THBS2: variants seen among roughly 807,000 people sequenced by gnomAD.
THBS2 encodes the protein thrombospondin-2.
In THBS2, 47 loss-of-function variants were observed where a neutral mutation model predicts 135.2. That is an observed-to-expected ratio of 0.35 (90% confidence interval 0.28 to 0.44). THBS2 has a LOEUF of 0.44. Among genes scored for constraint, THBS2 ranks in the 20% least tolerant of loss-of-function variants. The pLI, the probability that THBS2 is intolerant of heterozygous loss-of-function variation, is 1.00. For synonymous variants in THBS2, 639 were observed against 633.8 expected (o/e 1.01, Z -0.12); for missense variants, 1,288 against 1,603.1 (o/e 0.80, Z 3.36).
At chr6:169,236,025 C>T (rs1421156029) in intron 9 of THBS2, among the ~76,000 whole-genome samples, 12 of 115,044 alleles carry the variant, frequency 1.0e-4, no homozygotes, top group Admixed American at 8.2e-5. Flanking sequence ...CTCTCCCTCC[C>T]CCATCCACAC....
At position 169,234,783 on chromosome 6, in the gene THBS2, C is replaced by G. The variant is rs756711469; in HGVS notation, c.1602G>C (p.Val534=). The G allele has an allele frequency of 1.3e-5, 21 of 1,608,414 alleles. No individual in the cohort carries two copies. The highest frequency in any genetic ancestry group is 1.6e-5 in the Non-Finnish European group (19 of 1,176,706). The change falls in exon 10 of 22, where the codon GTG becomes GTC. Residue 534 remains valine (V), a synonymous_variant. Transcript: ENST00000617924. ...PEPQYGGKAC[V]GDVQERQMCN... ...ACATCTGACGCTCCTGCACATCCCC[C>G]ACGCAGGCCTTCCCTCCGTACTGAG...
At chr6:169,247,527 T>TC (rs1780592689) in intron 3 of THBS2, among the ~76,000 whole-genome samples, 1 of 144,258 alleles carries the variant, frequency 6.9e-6, no homozygotes, top group Non-Finnish European at 1.6e-5. Context: ...TGTTTATGTG[T>TC]GGGGGATGTG....
In THBS2 at chr6:169,217,731, T is replaced by C. The variant is rs1237072385; in HGVS notation, c.*91A>G. On this transcript the variant is annotated 3_prime_UTR_variant, in exon 22 of 22. Transcript: ENST00000617924. ...AAGGTCAAGGGACAGGAGGTGCTGCTAGAGAGAGAAGCCACAAGGACCACA... is the reference window on the plus strand; with the variant it reads ...AAGGTCAAGGGACAGGAGGTGCTGCCAGAGAGAGAAGCCACAAGGACCACA... 1 of 1,453,076 alleles carries C rather than the reference T, an allele frequency of 6.9e-7. No homozygotes were observed. The highest frequency in any genetic ancestry group is 9.5e-7 in the Non-Finnish European group (1 of 1,057,056). 90.0% of individuals were successfully genotyped at this position (1,453,076 alleles called of 1,614,324 possible).
chr6:169,219,902 TG>T (rs1443668236), intron 21 of THBS2: 1 of 574,626 alleles, frequency 1.7e-6, no homozygotes, highest in Non-Finnish European at 3.3e-6. Flanking sequence ...GTCAGGAGCC[TG>T]GAAGTGGAGG....
Position 169,241,825 on chromosome 6 carries a change from C to T in THBS2, c.828G>A (p.Met276Ile), listed in dbSNP as rs780923003. The change falls in exon 5 of 22, where the codon ATG (methionine) becomes ATA (isoleucine). Residue 276 changes from methionine (M) to isoleucine (I), a missense_variant. Coordinates refer to ENST00000617924, the MANE Select transcript of THBS2 (RefSeq NM_003247.5). This position sits in a 1 kb window ranked among gnomAD's most constrained non-coding sequence, Gnocchi z 5.5. ...CGTGGAGCCCCGAGAGCTCCTGGAC[C>T]ATGTTTCCCAGCTCCTCGCACGAGC... is the stretch of plus-strand genomic sequence containing the variant. ...CERSCEELGN[M>I]VQELSGLHVL... is the part of the protein sequence containing the mutation. The T allele has an allele frequency of 6.2e-7, 1 of 1,612,872 alleles. No individual in the cohort carries two copies. The highest frequency in any genetic ancestry group is 8.5e-7 in the Non-Finnish European group (1 of 1,179,954).
In THBS2 at chr6:169,248,773, A is replaced by C; in HGVS notation, c.253T>G (p.Phe85Val). The C allele has an allele frequency of 6.2e-7, 1 of 1,612,496 alleles. No individual in the cohort carries two copies. Among genetic ancestry groups the C allele is most frequent in the Non-Finnish European group, 8.5e-7 (1 of 1,179,998 alleles). Residue 85 changes from phenylalanine to valine, a missense_variant, in exon 3 of 22, where the codon TTC becomes GTC. Coordinates refer to ENST00000617924, the MANE Select transcript of THBS2 (RefSeq NM_003247.5). Reference protein sequence around the residue: ...TKIMRQKEGFFLTAQLKQDGK... With the variant: ...TKIMRQKEGFVLTAQLKQDGK... ...TCCTGCTTGAGCTGGGCCGTGAGGA[A>C]GAAGCCCTCCTTCTGCCGCATGATC...
rs1183280068 is a variant in THBS2, at chr6:169,248,516, T to C, written c.510A>G (p.Ile170Met). ...TYSLHVGCDL[I>M]DSFALDEPFY... ...AGGGCTCGTCCAGAGCGAAGCTGTC[T>C]ATGAGGTCGCAGCCCACGTGCAAGC... Residue 170 changes from isoleucine to methionine, a missense_variant, in exon 3 of 22, where the codon ATA (isoleucine) becomes ATG (methionine). By Grantham distance (10) the Ile-to-Met change is conservative. Transcript: ENST00000617924. 7 of 1,613,876 alleles carry C rather than the reference T, an allele frequency of 4.3e-6. No individual in the cohort carries two copies. Among genetic ancestry groups the C allele is most frequent in the Non-Finnish European group, 5.9e-6 (7 of 1,180,044 alleles).
chr6:169,237,374 G>T (rs73043889), intron 8 of THBS2, 28 bp from the exon 9 acceptor site: 216,108 of 1,611,686 alleles, frequency 0.13, 15,917 homozygotes, highest in Middle Eastern at 0.15. Context: ...GAGAGATCAG[G>T]CTGTGCCGCC....
At chr6:169,248,374 G>A in intron 3 of THBS2, 43 bp downstream of exon 3, 1 of 1,558,202 alleles carries the variant, frequency 6.4e-7, no homozygotes, top group Non-Finnish European at 8.7e-7. Context: ...TCCCAGCTAA[G>A]CTCTTTCCTC....
At chr6:169,218,480 G>A (rs1779272477) in intron 21 of THBS2, among the ~76,000 whole-genome samples, 1 of 130,942 alleles carries the variant, frequency 7.6e-6, no homozygotes, top group Non-Finnish European at 1.6e-5. Context: ...GATGAGTGGG[G>A]GTGGATGAAA....
At chr6:169,251,162 T>C (rs951191836) in intron 1 of THBS2, among the ~76,000 whole-genome samples, 5 of 152,218 alleles carry the variant, frequency 3.3e-5, no homozygotes, top group African/African-American at 1.2e-4. Context: ...CCTGGAGTAA[T>C]TCTGTTCATA....
chr6:169,243,741 C>T (rs920107009), intron 4 of THBS2, among the ~76,000 whole-genome samples: 2 of 152,198 alleles, frequency 1.3e-5, no homozygotes, highest in Non-Finnish European at 2.9e-5. Context: ...CAAAAGACCG[C>T]ATATATCTTT....
chr6:169,237,939 A>G (rs1583415202), intron 7 of THBS2, 144 bp from the exon 8 acceptor site: 2 of 1,083,466 alleles, frequency 1.8e-6, no homozygotes, highest in South Asian at 3.4e-5. Flanking sequence ...GGGCAGGTGG[A>G]CATCCCAGTG....
chr6:169,245,681 A>G (rs1449772450), intron 4 of THBS2, among the ~76,000 whole-genome samples: 1 of 151,500 alleles, frequency 6.6e-6, no homozygotes, highest in Non-Finnish European at 1.5e-5. Flanking sequence ...AGTCCCAGCT[A>G]CTCAGGAGGC....
intron 21 of THBS2, chr6:169,219,820 A>G (rs758262996): frequency 6.0e-6 from 3 of 502,396 alleles, no homozygotes; most frequent in South Asian, 4.3e-5. Context: ...AACTATAGAG[A>G]AACTCCTTCC....
chr6:169,238,030 C>T (rs1385530404), intron 7 of THBS2, among the ~76,000 whole-genome samples: 12 of 152,188 alleles, frequency 7.9e-5, no homozygotes, highest in African/African-American at 2.7e-4. Flanking sequence ...AGAGCAAAAA[C>T]GCCTTTCTGG....
intron 4 of THBS2, among the ~76,000 whole-genome samples, chr6:169,243,888 T>G (rs188369553): frequency 1.3e-3 from 205 of 152,316 alleles, no homozygotes; most frequent in African/African-American, 4.7e-3. Flanking sequence ...AAGGTTACTC[T>G]CACTTTTAAC....
chr6:169,227,262 CCCCCAG>C (rs1230034315), intron 15 of THBS2, among the ~76,000 whole-genome samples: 1 of 152,138 alleles, frequency 6.6e-6, no homozygotes, highest in Non-Finnish European at 1.5e-5. Context: ...GGCGAGCCTG[CCCCCAG>C]CTCTTGCTGG....
chr6:169,225,092 G>T (rs6605520), intron 17 of THBS2, 53 bp downstream of exon 17: 1 of 1,554,646 alleles, frequency 6.4e-7, no homozygotes, highest in Non-Finnish European at 8.9e-7. Context: ...CTGCCCTGGC[G>T]GGTTGCTCAG....
Sources: gnomAD v4.1 joint callset for allele counts (sites outside exome capture counted in the v4.1 genomes callset) on GRCh38, gnomAD v4.1.1 for gene constraint, Gnocchi (gnomAD v3.1) non-coding constraint, MANE v1.5 for transcripts, NCBI Gene and HGNC (gene_info 2026-07-23, HGNC 2026-07-21) for gene names.